The following AADAT variants were observed in gnomAD, a reference collection of about 807,000 sequenced individuals.
AADAT encodes kynurenine/alpha-aminoadipate aminotransferase, mitochondrial.
In AADAT, 25 loss-of-function variants were observed where a neutral mutation model predicts 56.2. The observed-to-expected ratio is 0.44, with a 90% CI of 0.32 to 0.62. The LOEUF (loss-of-function observed/expected upper bound fraction) is 0.62, where lower values mean the gene tolerates loss of function less well. Ranked by LOEUF, AADAT falls within the 20% of genes least tolerant of loss-of-function variation. The pLI is 0.04. For missense variants in AADAT, 387 were observed against 510.5 expected, an observed-to-expected ratio of 0.76 and a Z score of 2.33; for synonymous variants, 173 against 164.7, an observed-to-expected ratio of 1.05 and a Z score of -0.39.
At position 170,061,977 on chromosome 4, in the gene AADAT, C is replaced by T; in HGVS notation, c.1151G>A (p.Gly384Glu). Residue 384 changes from glycine to glutamate, a missense_variant, in exon 12 of 13, where the codon GGA becomes GAA. Gly to Glu is a moderately conservative substitution (Grantham distance 98). Coordinates refer to ENST00000337664, the MANE Select transcript of AADAT (RefSeq NM_016228.4). ...AVKMGVLMLP[G>E]NAFYVDSSAP... ...TGAGCTATCGACGTAGAAAGCATTT[C>T]CAGGGAGCATTAATACCTAAGAGAG... 1.2e-6 allele frequency: 2 copies of T among 1,612,194 alleles called. No homozygotes were observed. The highest frequency in any genetic ancestry group is 1.7e-6 in the Non-Finnish European group (2 of 1,178,806).
chr4:170,093,739 G>A (rs1363515725), upstream of AADAT, among the ~76,000 whole-genome samples: 1 of 151,988 alleles, frequency 6.6e-6, no homozygotes, highest in Non-Finnish European at 1.5e-5. Context: ...GGGACTACAG[G>A]TGAACACCAC....
chr4:170,090,508 G>A (rs1561027791), upstream of AADAT: 1 of 152,184 alleles, frequency 6.6e-6, no homozygotes, highest in African/African-American at 2.4e-5. Context: ...GAAGATCTCA[G>A]CATTTTGGAG....
chr4:170,093,623 C>T (rs934325317), upstream of AADAT, among the ~76,000 whole-genome samples: 2 of 152,124 alleles, frequency 1.3e-5, no homozygotes, highest in African/African-American at 2.4e-5. Flanking sequence ...TGTCTAGAGT[C>T]TCACTTTGTT....
chr4:170,076,664 A>T (rs1732050468), intron 4 of AADAT, among the ~76,000 whole-genome samples: 1 of 152,180 alleles, frequency 6.6e-6, no homozygotes, highest in African/African-American at 2.4e-5. Context: ...CCCACTGTAT[A>T]GACTCTTTTT....
rs761298797 is a variant in AADAT, at chr4:170,088,385, T to C, written c.236+11A>G. The C allele has an allele frequency of 1.3e-6, 2 of 1,582,248 alleles. No individual in the cohort carries two copies. Among genetic ancestry groups the C allele is most frequent in the African/African-American group, 1.3e-5 (1 of 74,524 alleles). On this transcript the variant is annotated intron_variant, in intron 2 of 12. Transcript: ENST00000337664. ...TAAGCCAATAAAATTATGTTAAGTA[T>C]TGATACTTACCCAGCACTCGGAGAA...
At chr4:170,090,465 G>A (rs949562053), upstream of AADAT, 2 of 152,138 alleles carry the variant, frequency 1.3e-5, no homozygotes, top group African/African-American at 4.8e-5. Flanking sequence ...GAAGCATCCC[G>A]GCGACCAAGA....
At position 170,070,747 on chromosome 4, in the gene AADAT, C is replaced by T. The variant is rs1006947441; in HGVS notation, c.655-95G>A. 6 of 880,118 alleles carry T rather than the reference C, an allele frequency of 6.8e-6. No homozygotes were observed. The East Asian group carries it at 1.5e-4, about 22-fold the overall frequency. The allele number at this position is 880,118 out of a possible 1,614,324, so 54.5% of individuals were successfully genotyped here. A position where few individuals can be genotyped will look rare whatever the true frequency, so the allele number is the denominator to read the frequency against. On this transcript the variant is annotated intron_variant, in intron 5 of 12. Coordinates refer to ENST00000337664, the MANE Select transcript of AADAT (RefSeq NM_016228.4). ...TCATTTGGAATTATAATTCTTTGTA[C>T]TCATTCAAGGAACTACTGTGTGTCT...
At chr4:170,085,917 G>C (rs527930522) in intron 3 of AADAT, among the ~76,000 whole-genome samples, 299 of 149,594 alleles carry the variant, frequency 2.0e-3, no homozygotes, top group Admixed American at 4.7e-3. Flanking sequence ...TCTGGTTTAA[G>C]ATAAAGATAA....
At chr4:170,092,253 C>T (rs904319510), upstream of AADAT, among the ~76,000 whole-genome samples, 86 of 152,330 alleles carry the variant, frequency 5.6e-4, 1 homozygote, top group African/African-American at 1.9e-3. Flanking sequence ...CTCTTTGGGT[C>T]CACATTGCTT....
intron 2 of AADAT, among the ~76,000 whole-genome samples, chr4:170,087,502 T>C (rs1288530202): frequency 6.6e-6 from 1 of 152,208 alleles, no homozygotes; most frequent in African/African-American, 2.4e-5. Flanking sequence ...GAGATTTGAA[T>C]CTACATCTTT....
At chr4:170,067,484 C>G (rs1217078480) in intron 8 of AADAT, 96 bp from the exon 9 acceptor site, 6 of 872,878 alleles carry the variant, frequency 6.9e-6, no homozygotes, top group Non-Finnish European at 1.1e-5. Flanking sequence ...ACATGTAAAC[C>G]ACAATAAGAT....
At chr4:170,092,469 C>T (rs538527971), upstream of AADAT, among the ~76,000 whole-genome samples, 102 of 152,354 alleles carry the variant, frequency 6.7e-4, no homozygotes, top group African/African-American at 2.4e-3. Flanking sequence ...ATCCGAACCT[C>T]AGAAGGAACA....
intron 10 of AADAT, 108 bp downstream of exon 10, chr4:170,066,306 T>C (rs1194712239): frequency 2.0e-6 from 2 of 985,624 alleles, no homozygotes; most frequent in Admixed American, 1.8e-5. Flanking sequence ...GCAAGAATAC[T>C]CCTGGACTGT....
chr4:170,085,218 T>C (rs576022424), intron 3 of AADAT, among the ~76,000 whole-genome samples: 36 of 152,330 alleles, frequency 2.4e-4, no homozygotes, highest in South Asian at 6.2e-4. Context: ...CTATTGGTAG[T>C]TATGTTTTGG....
chr4:170,069,050 G>T, intron 7 of AADAT, 98 bp downstream of exon 7: 1 of 987,242 alleles, frequency 1.0e-6, no homozygotes, highest in Non-Finnish European at 1.5e-6. Flanking sequence ...TAGACTACAA[G>T]CATTTTAAGT....
Position 170,060,843 on chromosome 4 carries a change from G to C in AADAT, c.*85C>G. On this transcript the variant is annotated 3_prime_UTR_variant, in exon 13 of 13. Transcript: ENST00000337664. ...TAGCTTACTGCAGCCTTGAATTCCT[G>C]GGTTCAAGTGATCCTCCCTCCTCTG... 8.5e-7 allele frequency: 1 copy of C among 1,170,450 alleles called. No individual in the cohort carries two copies. Among genetic ancestry groups the C allele is most frequent in the African/African-American group, 1.6e-5 (1 of 63,678 alleles). 72.5% of individuals were successfully genotyped at this position (1,170,450 alleles called of 1,614,324 possible).
At chr4:170,072,225 G>T (rs545672746) in intron 5 of AADAT, among the ~76,000 whole-genome samples, 293 of 151,450 alleles carry the variant, frequency 1.9e-3, no homozygotes, top group Admixed American at 3.2e-3. Context: ...GTGTGTGTAT[G>T]TGTGTGTGTG....
chr4:170,067,239 G>T, intron 9 of AADAT, 88 bp downstream of exon 9: 1 of 969,606 alleles, frequency 1.0e-6, no homozygotes, highest in Non-Finnish European at 1.6e-6. Flanking sequence ...ACTTAGGAAG[G>T]AAGAATAAAT....
At position 170,068,500 on chromosome 4, in the gene AADAT, G is replaced by A. The variant is rs893304862; in HGVS notation, c.900+91C>T. The A allele has an allele frequency of 1.2e-5, 11 of 918,676 alleles. No individual in the cohort carries two copies. The South Asian group carries it at 1.5e-4, about 12-fold the overall frequency. 56.9% of individuals were successfully genotyped at this position (918,676 alleles called of 1,614,324 possible). A position where few individuals can be genotyped will look rare whatever the true frequency, so the allele number is the denominator to read the frequency against. On this transcript the variant is annotated intron_variant, in intron 8 of 12. Transcript: ENST00000337664. ...AAGGCAAACTATGAGTCACTAAACA[G>A]GTTTGGAGTTCCTGTGCTCTACCAT...
Sources: gnomAD v4.1 joint callset for allele counts (sites outside exome capture counted in the v4.1 genomes callset) on GRCh38, gnomAD v4.1.1 for gene constraint, MANE v1.5 for transcripts, NCBI Gene and HGNC (gene_info 2026-07-23, HGNC 2026-07-21) for gene names.